EXOC6B: variants seen among roughly 807,000 people sequenced by gnomAD.
The protein encoded by EXOC6B is SEC15 homolog B.
In EXOC6B, 54 loss-of-function variants were observed where a neutral mutation model predicts 113.5. The ratio of observed to expected loss-of-function variants is 0.48; its 90% CI spans 0.38 to 0.60. The LOEUF (loss-of-function observed/expected upper bound fraction) is 0.60, where lower values mean the gene tolerates loss of function less well. EXOC6B is among the 20% of genes least tolerant of loss of function. The pLI is 0.00. For synonymous variants in EXOC6B, 357 were observed against 339.0 expected, an observed-to-expected ratio of 1.05 and a Z score of -0.58; for missense variants, 797 against 977.5, an observed-to-expected ratio of 0.82 and a Z score of 2.46.
chr2:72,459,125 G>T (rs965815464), intron 18 of EXOC6B, among the ~76,000 whole-genome samples: 3 of 151,162 alleles, frequency 2.0e-5, no homozygotes, highest in African/African-American at 7.3e-5. Context: ...TCTCAATAGA[G>T]GCAGAAAAGG....
intron 18 of EXOC6B, chr2:72,463,547 GC>G (rs1558692663): frequency 6.6e-6 from 1 of 152,058 alleles, no homozygotes; most frequent in East Asian, 1.9e-4. Flanking sequence ...CTACTAGGGG[GC>G]GAAAAAAACT....
intron 16 of EXOC6B, among the ~76,000 whole-genome samples, chr2:72,487,543 T>C (rs1469250627): frequency 6.6e-6 from 1 of 152,090 alleles, no homozygotes; most frequent in Non-Finnish European, 1.5e-5. Context: ...ATATTTTTAG[T>C]AGAGACGGGG....
chr2:72,729,402 T>C (rs1680500854), intron 5 of EXOC6B, among the ~76,000 whole-genome samples: 1 of 150,094 alleles, frequency 6.7e-6, no homozygotes, highest in South Asian at 2.1e-4. Context: ...GAGAAGTTGG[T>C]ACACAGGTGA....
chr2:72,598,677 G>A (rs1573461592), intron 6 of EXOC6B, among the ~76,000 whole-genome samples: 1 of 152,060 alleles, frequency 6.6e-6, no homozygotes, highest in East Asian at 1.9e-4. Flanking sequence ...GAGATAAACA[G>A]AAGCCATATA....
intron 20 of EXOC6B, among the ~76,000 whole-genome samples, chr2:72,294,413 A>C (rs1194232059): frequency 2.0e-5 from 3 of 151,948 alleles, no homozygotes; most frequent in Non-Finnish European, 4.4e-5. Context: ...TGAAGCTCTA[A>C]TTTCAAGGCA....
chr2:72,465,539 C>G (rs13393677), intron 17 of EXOC6B, among the ~76,000 whole-genome samples, 200 bp from the exon 18 acceptor site: 4,404 of 152,060 alleles, frequency 0.029, 215 homozygotes, highest in African/African-American at 0.1. Flanking sequence ...TTGTTTGCAT[C>G]CTAAGAGATG....
rs180969851 is a variant in EXOC6B, at chr2:72,780,358, A to G, written c.114-38889T>C. Among the ~76,000 whole-genome samples the G allele has an allele frequency of 2.3e-3, 356 of 152,334 alleles. 2 individuals are homozygous for G. Among genetic ancestry groups the G allele is most frequent in the Non-Finnish European group, 4.1e-3 (281 of 68,018 alleles). On this transcript the variant is annotated intron_variant, in intron 1 of 21. Transcript: ENST00000272427. ...TCTCAGCAGAGCAAAACAGGACTAA[A>G]AGAACAAGCTCTAACACTTTATAAA...
intron 1 of EXOC6B, among the ~76,000 whole-genome samples, chr2:72,767,591 T>G (rs1262184296): frequency 1.3e-5 from 2 of 148,544 alleles, no homozygotes; most frequent in Non-Finnish European, 3.0e-5. Context: ...GGCGGATTGC[T>G]TGAGGCTAAG....
rs144227149 is a variant in EXOC6B, at chr2:72,766,245, G to C, written c.114-24776C>G. On this transcript the variant is annotated intron_variant, in intron 1 of 21. Transcript: ENST00000272427. ...AACCCTAGATTTAGCCAGCTCAGTC[G>C]TTGACTGGATTAAATATTGCCATAC... 3.1e-3 allele frequency among the ~76,000 whole-genome samples: 471 copies of C among 152,268 alleles called. 5 individuals carry two copies. The highest frequency in any genetic ancestry group is 9.8e-3 in the African/African-American group (409 of 41,540).
chr2:72,384,055 T>C (rs1182956288), intron 18 of EXOC6B, among the ~76,000 whole-genome samples: 1 of 152,022 alleles, frequency 6.6e-6, no homozygotes, highest in African/African-American at 2.4e-5. Context: ...GACACTATGC[T>C]TAATACCTGG....
At chr2:72,471,710 G>A (rs1036363098) in intron 17 of EXOC6B, among the ~76,000 whole-genome samples, 1 of 152,058 alleles carries the variant, frequency 6.6e-6, no homozygotes, top group African/African-American at 2.4e-5. Flanking sequence ...TCTCTTCTCT[G>A]ACTGTCCTAG....
At chr2:72,445,292 G>A (rs1048436522) in intron 18 of EXOC6B, among the ~76,000 whole-genome samples, 1 of 152,090 alleles carries the variant, frequency 6.6e-6, no homozygotes, top group Non-Finnish European at 1.5e-5. Context: ...TTGCTATCAG[G>A]CTTTTGATCA....
At chr2:72,545,424 C>T (rs1471795004) in intron 8 of EXOC6B, among the ~76,000 whole-genome samples, 1 of 151,902 alleles carries the variant, frequency 6.6e-6, no homozygotes, top group Admixed American at 6.6e-5. Flanking sequence ...GTGTATGTTC[C>T]AATTCTTAAC....
chr2:72,419,485 A>G (rs900850398), intron 18 of EXOC6B, among the ~76,000 whole-genome samples: 1 of 152,160 alleles, frequency 6.6e-6, no homozygotes, highest in Non-Finnish European at 1.5e-5. Flanking sequence ...TGCAGGAAAA[A>G]TTTAGTGGTA....
intron 18 of EXOC6B, among the ~76,000 whole-genome samples, chr2:72,436,933 T>C (rs1183671380): frequency 6.6e-6 from 1 of 152,150 alleles, no homozygotes; most frequent in African/African-American, 2.4e-5. Flanking sequence ...CCATCCAGTT[T>C]TGTTCTCTTG....
chr2:72,521,494 C>G (rs565243920), intron 8 of EXOC6B, among the ~76,000 whole-genome samples: 1 of 152,258 alleles, frequency 6.6e-6, no homozygotes, highest in East Asian at 1.9e-4. Context: ...ACAATTTGCT[C>G]TGTTTATAAC....
At chr2:72,678,214 A>G (rs1573608595) in intron 6 of EXOC6B, among the ~76,000 whole-genome samples, 2 of 152,312 alleles carry the variant, frequency 1.3e-5, no homozygotes, top group South Asian at 4.1e-4. Flanking sequence ...CAATGTACCA[A>G]CAGCTGTTCA....
chr2:72,815,942 T>C (rs1442159367), intron 1 of EXOC6B, among the ~76,000 whole-genome samples: 1 of 152,166 alleles, frequency 6.6e-6, no homozygotes, highest in Non-Finnish European at 1.5e-5. Flanking sequence ...TCGGATCATT[T>C]GAGGTCAGGA....
At chr2:72,689,253 C>G (rs1677313439) in intron 6 of EXOC6B, among the ~76,000 whole-genome samples, 1 of 152,102 alleles carries the variant, frequency 6.6e-6, no homozygotes, top group East Asian at 1.9e-4. Context: ...TGAATGTCTC[C>G]TAGGCCCATT....
Sources: gnomAD v4.1 joint callset for allele counts (sites outside exome capture counted in the v4.1 genomes callset) on GRCh38, gnomAD v4.1.1 for gene constraint, MANE v1.5 for transcripts, NCBI Gene and HGNC (gene_info 2026-07-23, HGNC 2026-07-21) for gene names.